The following HSPG2 variants were observed in gnomAD, a reference collection of about 807,000 sequenced individuals.
HSPG2 encodes heparan sulfate proteoglycan 2.
In HSPG2, 278 loss-of-function variants were observed where a neutral mutation model predicts 526.6. That is an observed-to-expected ratio of 0.53 (90% CI 0.48 to 0.58). The LOEUF (loss-of-function observed/expected upper bound fraction) is 0.58. Ranked by LOEUF, HSPG2 falls within the 20% of genes least tolerant of loss-of-function variation. The probability of loss-of-function intolerance (pLI) is 0.00; values close to 1 mark genes in which losing one functional copy is unlikely to be tolerated. For missense variants in HSPG2, 5,354 were observed against 6,099.5 expected, an observed-to-expected ratio of 0.88 and a Z score of 4.07; for synonymous variants, 2,465 against 2,555.4, an observed-to-expected ratio of 0.96 and a Z score of 1.07.
chr1:21,828,295 G>A lies in HSPG2; in HGVS notation c.12369C>T (p.Gly4123=), dbSNP rs1299495233. 13 of 1,613,674 alleles carry A rather than the reference G, an allele frequency of 8.1e-6. No homozygotes were observed. The highest frequency in any genetic ancestry group is 9.3e-6 in the Non-Finnish European group (11 of 1,180,044). ...GACACAGGCACTGGAACTCATACTC[G>A]CCAGCGGGCATGCACGTGGCACCAT... The part of the protein sequence containing the change: ...CQHGATCMPA[G]EYEFQCLCRD... Residue 4123 remains glycine (G), a synonymous_variant, in exon 89 of 97, where the codon GGC becomes GGT. Transcript: ENST00000374695. This position sits in a 1 kb window ranked among gnomAD's most constrained non-coding sequence, Gnocchi z 6.0.
intron 9 of HSPG2, among the ~76,000 whole-genome samples, chr1:21,886,850 C>T (rs1343693748): frequency 1.3e-5 from 2 of 152,072 alleles, no homozygotes; most frequent in Non-Finnish European, 1.5e-5. Context: ...CACCAAGGGA[C>T]CTTGGCACAT....
At chr1:21,936,629 G>A (rs2152809054) in intron 1 of HSPG2, among the ~76,000 whole-genome samples, 1 of 152,336 alleles carries the variant, frequency 6.6e-6, no homozygotes, top group South Asian at 2.1e-4. Flanking sequence ...AGGCCCGTGG[G>A]TGTTCCACAC....
Position 21,876,649 on chromosome 1 carries a change from T to C in HSPG2, c.2689A>G (p.Asn897Asp). ...TCATTGCACAAGCGCCCCACCACATTGTTCTGCAGGCACAGAGTTGGAGCT... is the reference window on the plus strand; with the variant it reads ...TCATTGCACAAGCGCCCCACCACATCGTTCTGCAGGCACAGAGTTGGAGCT... ...TSGEACRCKN[N>D]VVGRLCNECA... The change falls in exon 22 of 97, where the codon AAT (asparagine) becomes GAT (aspartate). Residue 897 changes from asparagine to aspartate, a missense_variant. Physicochemically the swap from Asn to Asp is conservative, Grantham distance 23. Coordinates refer to ENST00000374695, the MANE Select transcript of HSPG2 (RefSeq NM_005529.7). 6.2e-7 allele frequency: 1 copy of C among 1,614,154 alleles called. No individual in the cohort carries two copies. The highest frequency in any genetic ancestry group is 8.5e-7 in the Non-Finnish European group (1 of 1,180,016).
rs112494360 is a variant in HSPG2 at position 21,831,052 on chromosome 1, G to A, written c.11601C>T (p.Tyr3867=). The A allele has an allele frequency of 0.049, 78,194 of 1,592,738 alleles. 2,316 individuals are homozygous for A. The highest frequency in any genetic ancestry group is 0.089 in the South Asian group (7,872 of 88,566). Residue 3867 remains tyrosine (Y), a synonymous_variant, in exon 85 of 97, where the codon TAC becomes TAT. Transcript: ENST00000374695. ...GQCHDSESSS[Y]VCVCPAGFTG... is the part of the protein sequence containing the mutation. ...TGAAGCCAGCTGGGCAGACGCACACGTAGCTGCTGCTCTCAGAGTCATGGC... is the reference window on the plus strand; with the variant it reads ...TGAAGCCAGCTGGGCAGACGCACACATAGCTGCTGCTCTCAGAGTCATGGC...
chr1:21,837,974 A>T (rs1490068679), intron 74 of HSPG2, among the ~76,000 whole-genome samples: 1 of 151,942 alleles, frequency 6.6e-6, no homozygotes, highest in Non-Finnish European at 1.5e-5. Context: ...CTTCTCTACT[A>T]AAAACACAAA....
Position 21,823,698 on chromosome 1 carries a change from G to T in HSPG2, c.12921C>A (p.Ile4307=). 1.2e-6 allele frequency: 2 copies of T among 1,613,580 alleles called. No homozygotes were observed. Among genetic ancestry groups the T allele is most frequent in the South Asian group, 1.1e-5 (1 of 91,088 alleles). ...TGACCAGCTCCTCACCGTCGACTTGGATGGAACCTCTGCGGCCCTCCCTGC... is the reference window on the plus strand; with the variant it reads ...TGACCAGCTCCTCACCGTCGACTTGTATGGAACCTCTGCGGCCCTCCCTGC... The part of the protein sequence containing the change: ...TALREGRRGS[I]QVDGEELVSG... Residue 4307 remains isoleucine (I), a synonymous_variant, in exon 96 of 97, where the codon ATC becomes ATA. Coordinates refer to ENST00000374695, the MANE Select transcript of HSPG2 (RefSeq NM_005529.7).
rs900156643 is a variant in HSPG2 at position 21,880,224 on chromosome 1, G to A, written c.2226C>T (p.Cys742=). ...GAGTGAAGTGGGCATCACAGCTCTC[G>A]CAGGACAAGCCAGAATAGCCAATGG... ...RCPIGYSGLS[C]ESCDAHFTRV... The change falls in exon 17 of 97, where the codon TGC becomes TGT. Residue 742 remains cysteine, a synonymous_variant. Transcript: ENST00000374695. 1.1e-5 allele frequency: 18 copies of A among 1,614,006 alleles called. No homozygotes were observed. The African/African-American group carries it at 1.2e-4, about 11-fold the overall frequency.
At chr1:21,843,726 A>G (rs2098059298) in intron 65 of HSPG2, among the ~76,000 whole-genome samples, 1 of 151,866 alleles carries the variant, frequency 6.6e-6, no homozygotes. Context: ...GGCTCACCGC[A>G]ACCTCTGCCT....
chr1:21,905,280 C>G (rs553261355), intron 1 of HSPG2, among the ~76,000 whole-genome samples: 1 of 147,468 alleles, frequency 6.8e-6, no homozygotes, highest in Non-Finnish European at 1.5e-5. Context: ...CACACACACA[C>G]GCCACGCTCC....
At chr1:21,888,313 T>G (rs1374274167) in intron 6 of HSPG2, among the ~76,000 whole-genome samples, 3 of 152,316 alleles carry the variant, frequency 2.0e-5, no homozygotes, top group South Asian at 4.1e-4. Flanking sequence ...GCCACACGCA[T>G]GCAACCACCA....
In HSPG2 at chr1:21,884,913, G is replaced by C; in HGVS notation, c.1361C>G (p.Thr454Arg). The C allele has an allele frequency of 1.9e-6, 3 of 1,614,020 alleles. No homozygotes were observed. The highest frequency in any genetic ancestry group is 2.5e-6 in the Non-Finnish European group (3 of 1,180,012). ...GCCACGGCCACCCTCGCTGGTCACT[G>C]TCACCCTGGTGAGCCCCAAGACAAG... is the stretch of plus-strand genomic sequence containing the variant. Reference protein sequence around the residue: ...WGHIPSHPRVTVTSEGGRGTL... With the variant: ...WGHIPSHPRVRVTSEGGRGTL... Residue 454 changes from threonine (T) to arginine (R), a missense_variant, in exon 12 of 97, where the codon ACA becomes AGA. By Grantham distance (71) the Thr-to-Arg change is moderately conservative (BLOSUM62 -1). Transcript: ENST00000374695.
At chr1:21,829,102 T>C in intron 87 of HSPG2, 23 bp from the exon 88 acceptor site, 1 of 1,530,852 alleles carries the variant, frequency 6.5e-7, no homozygotes. Flanking sequence ...CCAGGCAGGG[T>C]TGGGCACATG....
intron 1 of HSPG2, among the ~76,000 whole-genome samples, chr1:21,918,487 G>A (rs1643943191): frequency 6.6e-6 from 1 of 151,654 alleles, no homozygotes; most frequent in African/African-American, 2.4e-5. Flanking sequence ...AAAAAGGAGG[G>A]GTGGGACAAT....
Position 21,890,036 on chromosome 1 carries a change from A to G in HSPG2, c.519T>C (p.Ser173=), listed in dbSNP as rs2152765660. Residue 173 remains serine (S), a synonymous_variant, in exon 6 of 97, where the codon TCT becomes TCC. Coordinates refer to ENST00000374695, the MANE Select transcript of HSPG2 (RefSeq NM_005529.7). This position sits in a 1 kb window ranked among gnomAD's most constrained non-coding sequence, Gnocchi z 4.1. ...GGGGAGAGGTGACGTAGGAGGCCAC[A>G]GAGCCGCTGGAGATGACCCTGAGCA... ...EMLLRVISSG[S]VASYVTSPQG... is the part of the protein sequence containing the mutation. The G allele has an allele frequency of 6.2e-7, 1 of 1,614,122 alleles. No individual in the cohort carries two copies. The highest frequency in any genetic ancestry group is 8.5e-7 in the Non-Finnish European group (1 of 1,179,986).
intron 14 of HSPG2, 141 bp from the exon 15 acceptor site, chr1:21,880,976 A>C (rs1641456932): frequency 2.2e-6 from 2 of 909,314 alleles, no homozygotes; most frequent in Non-Finnish European, 1.7e-6. Context: ...AGCTAGGCAC[A>C]GGGAAACCGA....
At chr1:21,930,528 C>T (rs1388792099) in intron 1 of HSPG2, among the ~76,000 whole-genome samples, 1 of 152,198 alleles carries the variant, frequency 6.6e-6, no homozygotes, top group East Asian at 1.9e-4. Flanking sequence ...AATCCCAGTG[C>T]TTTGGGAGGC....
intron 1 of HSPG2, among the ~76,000 whole-genome samples, chr1:21,920,247 AG>A (rs1160444635): frequency 2.0e-5 from 3 of 152,216 alleles, no homozygotes; most frequent in Admixed American, 2.0e-4. Context: ...AGGTCCACTG[AG>A]GTTGAGGGGT....
In HSPG2 at chr1:21,839,635, G is replaced by A; in HGVS notation, c.9710-85C>T. ...GTGGCCATGGTGAGGAAGGGCCCTG[G>A]GTGATCCTGTCCCTCTATGGGGACC... On this transcript the variant is annotated intron_variant, in intron 72 of 96. Coordinates refer to ENST00000374695, the MANE Select transcript of HSPG2 (RefSeq NM_005529.7). The surrounding 1 kb of genome is among the most constrained non-coding windows in gnomAD (Gnocchi z 4.5). 1 of 1,508,140 alleles carries A rather than the reference G, an allele frequency of 6.6e-7. No individual in the cohort carries two copies. The highest frequency in any genetic ancestry group is 1.8e-5 in the Admixed American group (1 of 54,094). The allele number at this position is 1,508,140 out of a possible 1,614,324, so 93.4% of individuals were successfully genotyped here. A position where few individuals can be genotyped will look rare whatever the true frequency, so the allele number is the denominator to read the frequency against.
At chr1:21,843,512 C>T (rs1342365604) in intron 65 of HSPG2, 74 bp from the exon 66 acceptor site, 2 of 1,499,344 alleles carry the variant, frequency 1.3e-6, no homozygotes, top group Admixed American at 1.9e-5. Context: ...GTACCCACAC[C>T]CTGGGACTGC....
Sources: allele counts gnomAD v4.1 joint callset (sites outside exome capture counted in the v4.1 genomes callset), GRCh38; gene constraint gnomAD v4.1.1; non-coding constraint Gnocchi (gnomAD v3.1); transcripts MANE v1.5; gene names NCBI Gene and HGNC (gene_info 2026-07-23, HGNC 2026-07-21).